The following VBP1 variants were observed in gnomAD, a reference collection of about 807,000 sequenced individuals.
VBP1 encodes the protein VHL binding protein 1.
A neutral mutation model predicts 15.5 loss-of-function variants in VBP1; 4 were observed. The observed-to-expected ratio is 0.26, with a 90% CI of 0.13 to 0.59. VBP1 has a LOEUF of 0.59. VBP1 is among the 20% of genes least tolerant of loss of function. The pLI, the probability that VBP1 is intolerant of heterozygous loss-of-function variation, is 0.90. For missense variants in VBP1, 108 were observed against 139.6 expected (o/e 0.77, Z 1.14); for synonymous variants, 61 against 52.1 (o/e 1.17, Z -0.74).
At chrX:155,216,453 G>A (rs879948350), upstream of VBP1, 3 of 1,163,108 alleles carry the variant, frequency 2.6e-6, no homozygotes, top group South Asian at 1.9e-5. Flanking sequence ...CCGGCGGCCC[G>A]GGAGGCAGTC....
chrX:155,224,861 T>G (rs782367034), intron 2 of VBP1, among the ~76,000 whole-genome samples: 26 of 111,874 alleles, frequency 2.3e-4, no homozygotes, highest in Non-Finnish European at 4.0e-4. Context: ...ACACTTCTAA[T>G]TCTGCCTTCC....
intron 4 of VBP1, among the ~76,000 whole-genome samples, chrX:155,234,958 T>C (rs782590764): frequency 1.8e-5 from 2 of 112,197 alleles, no homozygotes; most frequent in Non-Finnish European, 3.8e-5. Flanking sequence ...AAAGCATCAC[T>C]GTCAAAAAGT....
intron 5 of VBP1, among the ~76,000 whole-genome samples, chrX:155,237,333 A>AT (rs2074778724): frequency 9.0e-6 from 1 of 111,259 alleles, no homozygotes; most frequent in African/African-American, 3.3e-5. Context: ...TTTCCCTCAT[A>AT]AATCTCTCTG....
chrX:155,230,603 C>T (rs1209888705), intron 4 of VBP1, among the ~76,000 whole-genome samples: 2 of 111,300 alleles, frequency 1.8e-5, no homozygotes, highest in African/African-American at 6.5e-5. Flanking sequence ...TGAATGGTTT[C>T]TTATCACATT....
intron 2 of VBP1, among the ~76,000 whole-genome samples, chrX:155,209,600 A>G (rs1203061061): frequency 2.7e-5 from 3 of 112,251 alleles, no homozygotes; most frequent in Non-Finnish European, 5.6e-5. Flanking sequence ...AGGCAGTGGT[A>G]ATATGAGTGA....
chrX:155,208,356 T>C (rs781986277), intron 1 of VBP1, among the ~76,000 whole-genome samples: 1 of 112,788 alleles, frequency 8.9e-6, no homozygotes, highest in African/African-American at 3.2e-5. Flanking sequence ...CTTGACCTGA[T>C]GTGCTTGCGC....
chrX:155,227,306 G>A lies in VBP1; in HGVS notation c.285+5G>A. ...AAATACATGCAGAAGAAAAAAGTAA[G>A]TGCATTTTTGTTTGTAAATATGAGC... On this transcript the variant is annotated splice_donor_5th_base_variant and intron_variant, in intron 3 of 5. Transcript: ENST00000286428. 3 of 1,153,761 alleles carry A rather than the reference G, an allele frequency of 2.6e-6. No homozygotes were observed. The highest frequency in any genetic ancestry group is 3.5e-6 in the Non-Finnish European group (3 of 864,434).
In VBP1 at chrX:155,220,288, C is replaced by T; in HGVS notation, c.199C>T (p.Leu67Phe). Residue 67 changes from leucine to phenylalanine, a missense_variant, in exon 2 of 6, where the codon CTT (leucine) becomes TTT (phenylalanine). Physicochemically the swap from Leu to Phe is conservative, Grantham distance 22 (BLOSUM62 0). Transcript: ENST00000286428. The part of the protein sequence containing the change: ...YQKYKFMELN[L>F]AQKKRRLKGQ... The stretch of plus-strand genomic sequence containing the variant: ...GAAGTATAAGTTTATGGAACTCAAC[C>T]TTGCTCAAAAGAAAAGAAGGTAAGT... 8.6e-7 allele frequency: 1 copy of T among 1,166,775 alleles called. No homozygotes were observed.
At position 155,202,884 on chromosome X, in the gene VBP1, T is replaced by C. The variant is rs782110458; in HGVS notation, c.-31+5745T>C. Among the ~76,000 whole-genome samples the C allele has an allele frequency of 9.9e-5, 11 of 111,267 alleles. No individual in the cohort carries two copies. In the South Asian group the frequency reaches 4.1e-3, roughly 42 times the overall value. On this transcript the variant is annotated intron_variant, in intron 1 of 6. Transcript: ENST00000535916. ...TCTGACAAAGGGCTAATATCCAGAA[T>C]CTACAATGAACTCAAACAAATTTAC...
chrX:155,199,467 G>A (rs1557307104), intron 1 of VBP1, among the ~76,000 whole-genome samples: 1 of 111,801 alleles, frequency 8.9e-6, no homozygotes, highest in Admixed American at 9.5e-5. Flanking sequence ...CATTCTTAAA[G>A]AAAAGAATTT....
At chrX:155,200,196 T>A (rs782739537) in intron 1 of VBP1, among the ~76,000 whole-genome samples, 171 of 106,583 alleles carry the variant, frequency 1.6e-3, no homozygotes, top group Non-Finnish European at 2.9e-3. Context: ...ATTAGGCAGA[T>A]CAACGAGACA....
In VBP1 at chrX:155,220,010, A is replaced by G. The variant is rs190109688; in HGVS notation, c.94-173A>G. The stretch of plus-strand genomic sequence containing the variant: ...AAAAAAAAATCTAAAATCCAAAACA[A>G]TTCTGGTCCCAAGCATTTTAGATAA... On this transcript the variant is annotated intron_variant, in intron 1 of 5. Transcript: ENST00000286428. Among the ~76,000 whole-genome samples the G allele has an allele frequency of 5.4e-5, 6 of 111,191 alleles. No homozygotes were observed. In the Admixed American group the frequency reaches 5.7e-4, roughly 11 times the overall value.
chrX:155,201,030 G>A (rs1387101861), intron 1 of VBP1, among the ~76,000 whole-genome samples: 4 of 111,443 alleles, frequency 3.6e-5, no homozygotes, highest in African/African-American at 6.5e-5. Flanking sequence ...TAAATTCCTC[G>A]ACACATACAC....
In VBP1 at chrX:155,228,460, A is replaced by G; in HGVS notation, c.362A>G (p.Asp121Gly). The stretch of plus-strand genomic sequence containing the variant: ...TGCAAAGCTTCAGTTCCTCCTACCG[A>G]TAAAGTGTGTCTGTGGTTGGGGGTA... ...LYCKASVPPT[D>G]KVCLWLGANV... Residue 121 changes from aspartate (D) to glycine (G), a missense_variant, in exon 4 of 6, where the codon GAT becomes GGT. Coordinates refer to ENST00000286428, the MANE Select transcript of VBP1 (RefSeq NM_003372.7). The G allele has an allele frequency of 8.3e-7, 1 of 1,206,356 alleles. No homozygotes were observed. The highest frequency in any genetic ancestry group is 1.1e-6 in the Non-Finnish European group (1 of 891,981).
chrX:155,214,440 A>T (rs1173636725), upstream of VBP1, among the ~76,000 whole-genome samples: 1 of 112,478 alleles, frequency 8.9e-6, no homozygotes, highest in Non-Finnish European at 1.9e-5. Flanking sequence ...CATCAATACA[A>T]TTTATAATAA....
chrX:155,213,160 G>A (rs1227506838), upstream of VBP1: 2 of 111,835 alleles, frequency 1.8e-5, no homozygotes, highest in Non-Finnish European at 3.8e-5. Context: ...AAAGCCCCTA[G>A]GGGAAACTGC....
chrX:155,232,941 C>T (rs782330330), intron 4 of VBP1, among the ~76,000 whole-genome samples: 2 of 112,514 alleles, frequency 1.8e-5, no homozygotes, highest in African/African-American at 6.5e-5. Context: ...TCATCATAGT[C>T]GAATGGATGA....
At chrX:155,208,667 A>C (rs1268974872) in intron 1 of VBP1, among the ~76,000 whole-genome samples, 1 of 111,418 alleles carries the variant, frequency 9.0e-6, no homozygotes, top group Non-Finnish European at 1.9e-5. Context: ...TTGGTCTGTC[A>C]CACTTTATCA....
At chrX:155,214,768 C>CTTTTTTTTTTTTTTTTTTTTTTT (rs782556765), upstream of VBP1, among the ~76,000 whole-genome samples, 2 of 83,073 alleles carry the variant, frequency 2.4e-5, no homozygotes, top group Admixed American at 2.8e-4. Flanking sequence ...TTTTCTTTTC[C>CTTTTTTTTTTTTTTTTTTTTTTT]TTTTTTTTTT....
Sources: gnomAD v4.1 joint callset for allele counts (sites outside exome capture counted in the v4.1 genomes callset) on GRCh38, gnomAD v4.1.1 for gene constraint, MANE v1.5 for transcripts, NCBI Gene and HGNC (gene_info 2026-07-23, HGNC 2026-07-21) for gene names.